CTDSPL: variants seen among roughly 807,000 people sequenced by gnomAD.
CTDSPL encodes the protein CTD small phosphatase like.
CTDSPL carries 8 observed loss-of-function variants against 30.5 expected under a neutral mutation model. The ratio of observed to expected loss-of-function variants is 0.26; its 90% CI spans 0.15 to 0.47. CTDSPL has a LOEUF of 0.47. CTDSPL is among the 20% of genes least tolerant of loss of function. The pLI is 0.99. For missense variants in CTDSPL, 248 were observed against 366.1 expected (o/e 0.68, Z 2.63); for synonymous variants, 110 against 137.9 (o/e 0.80, Z 1.42).
chr3:37,972,399 C>T (rs546046890), intron 6 of CTDSPL, among the ~76,000 whole-genome samples: 4 of 151,926 alleles, frequency 2.6e-5, no homozygotes, highest in African/African-American at 7.3e-5. Context: ...GGCTGAGGCA[C>T]GAGAATTGCT....
chr3:37,886,698 T>C (rs1698266921), intron 1 of CTDSPL, among the ~76,000 whole-genome samples: 1 of 152,214 alleles, frequency 6.6e-6, no homozygotes, highest in Non-Finnish European at 1.5e-5. Flanking sequence ...ACTTGTTGAA[T>C]TGAAAATTGC....
intron 1 of CTDSPL, among the ~76,000 whole-genome samples, chr3:37,896,823 G>A (rs1174129886): frequency 8.5e-5 from 13 of 152,082 alleles, no homozygotes; most frequent in Admixed American, 7.9e-4. Flanking sequence ...ACAGGCGTGA[G>A]TCACCATGCC....
intron 3 of CTDSPL, among the ~76,000 whole-genome samples, chr3:37,960,535 T>TATACACACACACAC (rs1327299412): frequency 6.1e-5 from 1 of 16,288 alleles, no homozygotes; most frequent in Non-Finnish European, 1.0e-4. Context: ...TATATATATA[T>TATACACACACACAC]ACACACACAC....
chr3:37,942,851 T>G (rs1302000961), intron 1 of CTDSPL, among the ~76,000 whole-genome samples: 1 of 150,292 alleles, frequency 6.7e-6, no homozygotes, highest in East Asian at 1.9e-4. Flanking sequence ...AAGTTGGCAT[T>G]GGAGCCCACA....
chr3:37,927,129 C>A (rs1698789770), intron 1 of CTDSPL, among the ~76,000 whole-genome samples: 3 of 151,952 alleles, frequency 2.0e-5, no homozygotes, highest in Non-Finnish European at 4.4e-5. Flanking sequence ...AATTCCACAC[C>A]TGACCTCATG....
chr3:37,960,731 CAAACA>C (rs1002470478), intron 3 of CTDSPL, among the ~76,000 whole-genome samples: 3 of 150,752 alleles, frequency 2.0e-5, no homozygotes, highest in Non-Finnish European at 3.0e-5. Context: ...CCCTGTCTCA[CAAACA>C]AAACAAAACA....
chr3:37,863,510 C>G (rs1697970581), intron 1 of CTDSPL, among the ~76,000 whole-genome samples: 1 of 152,222 alleles, frequency 6.6e-6, no homozygotes, highest in Admixed American at 6.5e-5. Flanking sequence ...GTGACTAAAG[C>G]TTGCCTCATT....
At chr3:37,942,049 G>A (rs1047471522) in intron 1 of CTDSPL, among the ~76,000 whole-genome samples, 1 of 150,214 alleles carries the variant, frequency 6.7e-6, no homozygotes, top group Non-Finnish European at 1.5e-5. Context: ...CTTTTCCTAA[G>A]GGAAAACAGC....
At chr3:37,911,554 A>T (rs1698582983) in intron 1 of CTDSPL, 3 of 406,776 alleles carry the variant, frequency 7.4e-6, no homozygotes, top group South Asian at 5.5e-5. Flanking sequence ...TGAATTAGCT[A>T]TAGAGTAGCT....
At chr3:37,964,511 G>A in intron 3 of CTDSPL, 60 bp from the exon 4 acceptor site, 1 of 1,142,676 alleles carries the variant, frequency 8.8e-7, no homozygotes, top group Non-Finnish European at 1.3e-6. Flanking sequence ...GTAGTATAAT[G>A]CAATACTGAT....
At chr3:37,891,654 A>G (rs967455126) in intron 1 of CTDSPL, among the ~76,000 whole-genome samples, 5 of 152,174 alleles carry the variant, frequency 3.3e-5, no homozygotes, top group Admixed American at 1.3e-4. Context: ...AATATCTTTC[A>G]TTTTTCAGAT....
chr3:37,929,903 T>A (rs1011565186), intron 1 of CTDSPL, among the ~76,000 whole-genome samples: 2 of 151,618 alleles, frequency 1.3e-5, no homozygotes, highest in African/African-American at 4.8e-5. Context: ...AGGTCAGGAG[T>A]TCAAGACTAG....
chr3:37,902,260 A>G (rs751765837), intron 1 of CTDSPL, among the ~76,000 whole-genome samples: 2 of 152,296 alleles, frequency 1.3e-5, no homozygotes, highest in Non-Finnish European at 2.9e-5. Flanking sequence ...TATGCCAGCA[A>G]GTCATTGCAT....
At chr3:37,936,265 T>C (rs1698914211) in intron 1 of CTDSPL, among the ~76,000 whole-genome samples, 1 of 152,138 alleles carries the variant, frequency 6.6e-6, no homozygotes, top group Admixed American at 6.5e-5. Context: ...CTGGGGACAT[T>C]TATCTCATGG....
At chr3:37,969,963 G>T (rs1437727015) in intron 5 of CTDSPL, among the ~76,000 whole-genome samples, 1 of 152,132 alleles carries the variant, frequency 6.6e-6, no homozygotes, top group Non-Finnish European at 1.5e-5. Context: ...TCTCCCCTCT[G>T]CTGCTCCTCC....
At chr3:37,884,929 T>G (rs1223522349) in intron 1 of CTDSPL, among the ~76,000 whole-genome samples, 1 of 151,982 alleles carries the variant, frequency 6.6e-6, no homozygotes, top group South Asian at 2.1e-4. Context: ...CCAATAGAAC[T>G]GACAGCAGGA....
chr3:37,929,102 A>G (rs1698819712), intron 1 of CTDSPL, among the ~76,000 whole-genome samples: 1 of 152,052 alleles, frequency 6.6e-6, no homozygotes, highest in Non-Finnish European at 1.5e-5. Context: ...GCATAGGTTT[A>G]TTTCTGCACT....
chr3:37,917,843 G>C (rs915130673), intron 1 of CTDSPL, among the ~76,000 whole-genome samples: 1 of 152,218 alleles, frequency 6.6e-6, no homozygotes, highest in Non-Finnish European at 1.5e-5. Flanking sequence ...AATTTATTGT[G>C]ATTGTGTTTG....
At chr3:37,904,731 A>T (rs1352741245) in intron 1 of CTDSPL, among the ~76,000 whole-genome samples, 2 of 152,148 alleles carry the variant, frequency 1.3e-5, no homozygotes, top group African/African-American at 4.8e-5. Context: ...CATGGCCAGG[A>T]TATATCTCCC....
Sources: gnomAD v4.1 joint callset for allele counts (sites outside exome capture counted in the v4.1 genomes callset) on GRCh38, gnomAD v4.1.1 for gene constraint, MANE v1.5 for transcripts, NCBI Gene and HGNC (gene_info 2026-07-23, HGNC 2026-07-21) for gene names.